ALK: variants seen among roughly 807,000 people sequenced by gnomAD.
ALK encodes ALK tyrosine kinase receptor.
Under a neutral mutation model 163.1 loss-of-function variants are expected in ALK, and 74 were observed. The observed-to-expected ratio is 0.45, with a 90% CI of 0.38 to 0.55. ALK has a LOEUF of 0.55. Ranked by LOEUF, ALK falls within the 20% of genes least tolerant of loss-of-function variation. The probability of loss-of-function intolerance (pLI) is 0.00; values close to 1 mark genes in which losing one functional copy is unlikely to be tolerated. For synonymous variants in ALK, 960 were observed against 843.2 expected, an observed-to-expected ratio of 1.14 and a Z score of -2.40; for missense variants, 2,063 against 2,105.3, an observed-to-expected ratio of 0.98 and a Z score of 0.39.
chr2:29,881,092 A>G (rs937443577), intron 1 of ALK, among the ~76,000 whole-genome samples: 2 of 152,036 alleles, frequency 1.3e-5, no homozygotes, highest in Admixed American at 1.3e-4. Flanking sequence ...AGTCTCACGG[A>G]CAACCAGCTC....
intron 4 of ALK, among the ~76,000 whole-genome samples, chr2:29,502,895 G>A (rs1238786382): frequency 1.3e-5 from 2 of 152,196 alleles, no homozygotes; most frequent in Non-Finnish European, 2.9e-5. Context: ...GAGACCTCCA[G>A]TAAAACTAGA....
chr2:29,817,660 G>A (rs558141311), intron 1 of ALK, among the ~76,000 whole-genome samples: 78 of 152,236 alleles, frequency 5.1e-4, no homozygotes, highest in Non-Finnish European at 9.3e-4. Context: ...CCAAGGACCC[G>A]CCCTCCGTCC....
chr2:29,847,156 TC>T (rs1665865906), intron 1 of ALK, among the ~76,000 whole-genome samples: 1 of 151,896 alleles, frequency 6.6e-6, no homozygotes, highest in Non-Finnish European at 1.5e-5. Flanking sequence ...CAGGGGCTCC[TC>T]CCTTCCCTCC....
intron 1 of ALK, among the ~76,000 whole-genome samples, chr2:29,910,845 G>GA (rs979899744): frequency 5.9e-5 from 9 of 152,024 alleles, no homozygotes; most frequent in Non-Finnish European, 1.2e-4. Flanking sequence ...AAGGCTAAAG[G>GA]AAAAAATTAC....
intron 3 of ALK, among the ~76,000 whole-genome samples, chr2:29,566,829 G>A (rs1190118737): frequency 6.6e-6 from 1 of 151,914 alleles, no homozygotes; most frequent in Admixed American, 6.6e-5. Context: ...AATGACCTGG[G>A]AGATGATCAT....
chr2:29,674,110 TCGTCTGCAAACAGGGACAATTTGACTTC>T (rs1677797445), intron 3 of ALK, among the ~76,000 whole-genome samples: 1 of 149,428 alleles, frequency 6.7e-6, no homozygotes, highest in Non-Finnish European at 1.5e-5. Context: ...TACAATCATG[TCGTCTGCAAACAGGGACAATTTGACTTC>T]CTCTTTTCCT....
chr2:29,515,914 A>C (rs1362437677), intron 4 of ALK, among the ~76,000 whole-genome samples: 2 of 152,248 alleles, frequency 1.3e-5, no homozygotes, highest in Non-Finnish European at 1.5e-5. Flanking sequence ...ATTAGAAAAC[A>C]GGGAGATATT....
chr2:29,608,897 G>A (rs1202221410), intron 3 of ALK, among the ~76,000 whole-genome samples: 1 of 152,102 alleles, frequency 6.6e-6, no homozygotes, highest in African/African-American at 2.4e-5. Context: ...GTACCTACTG[G>A]CTGGTCTCTC....
chr2:29,439,478 C>T (rs974262694), intron 4 of ALK, among the ~76,000 whole-genome samples: 5 of 152,046 alleles, frequency 3.3e-5, no homozygotes, highest in Admixed American at 2.6e-4. Context: ...GAAACAATAT[C>T]GCTGCTCACA....
intron 6 of ALK, among the ~76,000 whole-genome samples, chr2:29,325,191 G>C (rs1033984571): frequency 6.6e-6 from 1 of 152,122 alleles, no homozygotes; most frequent in Non-Finnish European, 1.5e-5. Flanking sequence ...CCCTCAGGAA[G>C]GTTCTTTAGA....
At chr2:29,553,101 G>A (rs1449536158) in intron 3 of ALK, among the ~76,000 whole-genome samples, 2 of 152,194 alleles carry the variant, frequency 1.3e-5, no homozygotes, top group South Asian at 2.1e-4. Context: ...GTGTAAATGT[G>A]TCTCTTCCAA....
chr2:29,574,070 A>AT (rs1273167836), intron 3 of ALK, among the ~76,000 whole-genome samples: 1 of 151,504 alleles, frequency 6.6e-6, no homozygotes, highest in Middle Eastern at 3.4e-3. Context: ...AAAAATAAAA[A>AT]AAAAAATGTC....
intron 3 of ALK, among the ~76,000 whole-genome samples, chr2:29,663,090 C>T (rs1181134947): frequency 6.6e-6 from 1 of 152,120 alleles, no homozygotes; most frequent in African/African-American, 2.4e-5. Flanking sequence ...ACGGTCTTCC[C>T]ATAAGCCTAT....
At chr2:29,350,658 G>T (rs970145937) in intron 5 of ALK, among the ~76,000 whole-genome samples, 1 of 152,192 alleles carries the variant, frequency 6.6e-6, no homozygotes, top group Non-Finnish European at 1.5e-5. Context: ...AACCAGCAGC[G>T]ACCATTTACG....
At chr2:29,697,041 T>C (rs900141634) in intron 2 of ALK, among the ~76,000 whole-genome samples, 4 of 151,964 alleles carry the variant, frequency 2.6e-5, no homozygotes, top group Non-Finnish European at 4.4e-5. Context: ...CCATATGTTC[T>C]GCGCTTGTAT....
At chr2:29,535,361 G>C (rs537421097) in intron 3 of ALK, among the ~76,000 whole-genome samples, 2 of 152,314 alleles carry the variant, frequency 1.3e-5, no homozygotes, top group African/African-American at 4.8e-5. Flanking sequence ...GGAATGTGCT[G>C]CTCTCATCTC....
At chr2:29,850,739 T>C (rs531415974) in intron 1 of ALK, among the ~76,000 whole-genome samples, 4 of 152,202 alleles carry the variant, frequency 2.6e-5, no homozygotes, top group East Asian at 1.9e-4. Flanking sequence ...GTGTATTTTG[T>C]AGTACTTCCC....
At chr2:29,748,576 G>T (rs1361435258) in intron 1 of ALK, among the ~76,000 whole-genome samples, 1 of 152,186 alleles carries the variant, frequency 6.6e-6, no homozygotes, top group Non-Finnish European at 1.5e-5. Context: ...TTCACTGGGT[G>T]AAAGAAGCCC....
chr2:29,470,987 A>T (rs1292653631), intron 4 of ALK, among the ~76,000 whole-genome samples: 3 of 152,196 alleles, frequency 2.0e-5, no homozygotes, highest in Non-Finnish European at 4.4e-5. Flanking sequence ...AGTGGCAAGC[A>T]TACTAATTTA....
Sources: gnomAD v4.1 joint callset for allele counts (sites outside exome capture counted in the v4.1 genomes callset) on GRCh38, gnomAD v4.1.1 for gene constraint, MANE v1.5 for transcripts, NCBI Gene and HGNC (gene_info 2026-07-23, HGNC 2026-07-21) for gene names.